The following KERA variants were observed in gnomAD, a reference collection of about 807,000 sequenced individuals.
The protein encoded by KERA is keratan sulfate proteoglycan keratocan.
Under a neutral mutation model 26.4 loss-of-function variants are expected in KERA, and 25 were observed. That is an observed-to-expected ratio of 0.95 (90% CI 0.69 to 1.32). KERA has a LOEUF of 1.32. Ranked by LOEUF, KERA falls within the 40% of genes most tolerant of loss-of-function variation. KERA has a pLI of 0.00. For missense variants in KERA, 434 were observed against 408.9 expected (o/e 1.06, Z -0.53); for synonymous variants, 167 against 146.1 (o/e 1.14, Z -1.03).
At chr12:91,052,919 A>G (rs1372961278) in intron 2 of KERA, among the ~76,000 whole-genome samples, 1 of 151,516 alleles carries the variant, frequency 6.6e-6, no homozygotes, top group Non-Finnish European at 1.5e-5. Context: ...TTACATTTTC[A>G]TAAATTACAG....
At chr12:91,056,647 C>A (rs1374138316) in intron 1 of KERA, among the ~76,000 whole-genome samples, 1 of 151,152 alleles carries the variant, frequency 6.6e-6, no homozygotes, top group Non-Finnish European at 1.5e-5. Flanking sequence ...AAAAAGTGAT[C>A]TTTTAAAAAC....
intron 2 of KERA, among the ~76,000 whole-genome samples, chr12:91,054,494 C>T (rs961213915): frequency 6.6e-6 from 1 of 151,188 alleles, no homozygotes; most frequent in African/African-American, 2.4e-5. Flanking sequence ...TGTGGCTGGA[C>T]CTATTTTTAC....
intron 2 of KERA, among the ~76,000 whole-genome samples, chr12:91,054,905 G>T (rs1480817270): frequency 6.6e-6 from 1 of 151,170 alleles, no homozygotes; most frequent in Non-Finnish European, 1.5e-5. Flanking sequence ...ACTTGTTTGA[G>T]ACTCCCACTG....
rs1333566238 is a variant in KERA at position 91,051,207 on chromosome 12, G to GA, written c.*138dup. 5 of 734,856 alleles carry GA rather than the reference G, an allele frequency of 6.8e-6. No individual in the cohort carries two copies. Among genetic ancestry groups the GA allele is most frequent in the Non-Finnish European group, 9.4e-6 (4 of 426,110 alleles). The allele number at this position is 734,856 out of a possible 1,614,324, so 45.5% of individuals were successfully genotyped here. The stretch of plus-strand genomic sequence containing the variant: ...TAACTGGCAAAAGCATCTTTGAATA[G>GA]AAAAAATACACTGCACAAATGAAAA... On this transcript the variant is annotated 3_prime_UTR_variant, in exon 3 of 3. Transcript: ENST00000266719.
At position 91,050,905 on chromosome 12, in the gene KERA, A is replaced by G. The variant is rs1301961481; in HGVS notation, c.*441T>C. The stretch of plus-strand genomic sequence containing the variant: ...AATCTGCAATTGTTTTATTATGATT[A>G]CAATTAAGAAATATTTTATTTTCTC... On this transcript the variant is annotated 3_prime_UTR_variant, in exon 3 of 3. Transcript: ENST00000266719. 3 of 167,398 alleles carry G rather than the reference A, an allele frequency of 1.8e-5. No individual in the cohort carries two copies. Among genetic ancestry groups the G allele is most frequent in the Non-Finnish European group, 3.9e-5 (3 of 76,072 alleles). 10.4% of individuals were successfully genotyped at this position (167,398 alleles called of 1,614,324 possible).
At chr12:91,052,816 G>A (rs1450217154) in intron 2 of KERA, among the ~76,000 whole-genome samples, 2 of 151,256 alleles carry the variant, frequency 1.3e-5, no homozygotes, top group Non-Finnish European at 3.0e-5. Context: ...TGTCCCTTTC[G>A]ATGTGCAATC....
chr12:91,051,300 T>G lies in KERA; in HGVS notation c.*46A>C. ...CTATTAATGGTAACCACATTTCATG[T>G]CAGAAACAGCTCATTAAACTAATTT... On this transcript the variant is annotated 3_prime_UTR_variant, in exon 3 of 3. Transcript: ENST00000266719. 6.7e-7 allele frequency: 1 copy of G among 1,501,318 alleles called. No homozygotes were observed. The highest frequency in any genetic ancestry group is 1.1e-5 in the South Asian group (1 of 88,352). The allele number at this position is 1,501,318 out of a possible 1,614,324, so 93.0% of individuals were successfully genotyped here. A position where few individuals can be genotyped will look rare whatever the true frequency, so the allele number is the denominator to read the frequency against.
intron 1 of KERA, 93 bp from the exon 2 acceptor site, chr12:91,056,382 C>T: frequency 9.9e-7 from 1 of 1,008,608 alleles, no homozygotes; most frequent in Non-Finnish European, 1.5e-6. Flanking sequence ...ATTGCTTCTT[C>T]AGGGAAGAGG....
chr12:91,051,162 A>G lies in KERA; in HGVS notation c.*184T>C. The G allele has an allele frequency of 1.7e-6, 1 of 578,474 alleles. No homozygotes were observed. The highest frequency in any genetic ancestry group is 3.1e-6 in the Non-Finnish European group (1 of 321,518). The allele number at this position is 578,474 out of a possible 1,614,324, so 35.8% of individuals were successfully genotyped here. On this transcript the variant is annotated 3_prime_UTR_variant, in exon 3 of 3. Transcript: ENST00000266719. The stretch of plus-strand genomic sequence containing the variant: ...TTATTAATTAAAAGAAAAGCAAATT[A>G]ATGCAGGCTGTGATGCATGTAACTG...
chr12:91,051,285 T>C lies in KERA; in HGVS notation c.*61A>G. The C allele has an allele frequency of 7.3e-7, 1 of 1,376,772 alleles. No homozygotes were observed. Among genetic ancestry groups the C allele is most frequent in the South Asian group, 1.2e-5 (1 of 85,218 alleles). 85.3% of individuals were successfully genotyped at this position (1,376,772 alleles called of 1,614,324 possible). A position where few individuals can be genotyped will look rare whatever the true frequency, so the allele number is the denominator to read the frequency against. On this transcript the variant is annotated 3_prime_UTR_variant, in exon 3 of 3. Coordinates refer to ENST00000266719, the MANE Select transcript of KERA (RefSeq NM_007035.4). The stretch of plus-strand genomic sequence containing the variant: ...ACTTGTGTCCTAAACCTATTAATGG[T>C]AACCACATTTCATGTCAGAAACAGC...
chr12:91,051,084 A>T lies in KERA; in HGVS notation c.*262T>A. The T allele has an allele frequency of 2.4e-6, 1 of 422,412 alleles. No homozygotes were observed. Among genetic ancestry groups the T allele is most frequent in the East Asian group, 4.7e-5 (1 of 21,410 alleles). 26.2% of individuals were successfully genotyped at this position (422,412 alleles called of 1,614,324 possible). ...TTAGTGTTAATAAGCTATGGAAGAG[A>T]CCAAAATAAAACTATCTTTGAGTTG... On this transcript the variant is annotated 3_prime_UTR_variant, in exon 3 of 3. Coordinates refer to ENST00000266719, the MANE Select transcript of KERA (RefSeq NM_007035.4).
At position 91,050,951 on chromosome 12, in the gene KERA, C is replaced by T. The variant is rs1878849537; in HGVS notation, c.*395G>A. 2 of 169,352 alleles carry T rather than the reference C, an allele frequency of 1.2e-5. No homozygotes were observed. The highest frequency in any genetic ancestry group is 2.6e-5 in the Non-Finnish European group (2 of 77,438). 10.5% of individuals were successfully genotyped at this position (169,352 alleles called of 1,614,324 possible). A position where few individuals can be genotyped will look rare whatever the true frequency, so the allele number is the denominator to read the frequency against. On this transcript the variant is annotated 3_prime_UTR_variant, in exon 3 of 3. Coordinates refer to ENST00000266719, the MANE Select transcript of KERA (RefSeq NM_007035.4). ...TTCTCATTTTCTTCAGGTCGTTATCCTCCTGTTTGATTATTACATTTATAC... is the reference window on the plus strand; with the variant it reads ...TTCTCATTTTCTTCAGGTCGTTATCTTCCTGTTTGATTATTACATTTATAC...
chr12:91,055,631 C>G lies in KERA; in HGVS notation c.651G>C (p.Gln217His). 6.2e-7 allele frequency: 1 copy of G among 1,611,186 alleles called. No individual in the cohort carries two copies. Among genetic ancestry groups the G allele is most frequent in the Non-Finnish European group, 8.5e-7 (1 of 1,178,122 alleles). Residue 217 changes from glutamine (Q) to histidine (H), a missense_variant, in exon 2 of 3, where the codon CAG (glutamine) becomes CAC (histidine). Physicochemically the swap from Gln to His is conservative, Grantham distance 24. Coordinates refer to ENST00000266719, the MANE Select transcript of KERA (RefSeq NM_007035.4). The part of the protein sequence containing the change: ...MPPRLPANTM[Q>H]LFLDNNSIEG... ...CAATGGAATTGTTGTCTAAAAACAACTGCATTGTATTGGCTGGTAATCTTG... is the reference window on the plus strand; with the variant it reads ...CAATGGAATTGTTGTCTAAAAACAAGTGCATTGTATTGGCTGGTAATCTTG...
rs201524750 is a variant in KERA at position 91,056,196 on chromosome 12, A to G, written c.86T>C (p.Val29Ala). 26 of 1,609,856 alleles carry G rather than the reference A, an allele frequency of 1.6e-5. No homozygotes were observed. In the East Asian group the frequency reaches 5.8e-4, roughly 36 times the overall value. The change falls in exon 2 of 3, where the codon GTA (valine) becomes GCA (alanine). Residue 29 changes from valine to alanine, a missense_variant. Val to Ala is a moderately conservative substitution (Grantham distance 64, BLOSUM62 0). Coordinates refer to ENST00000266719, the MANE Select transcript of KERA (RefSeq NM_007035.4). The part of the protein sequence containing the change: ...WSRSVRQVYE[V>A]HDSDDWTIHD... ...AATAGTCCAATCATCTGAATCATGT[A>G]CTTCATAGACCTGCCTCACACTTCT...
Position 91,056,169 on chromosome 12 carries a change from T to G in KERA, c.113A>C (p.His38Pro). 2 of 1,610,452 alleles carry G rather than the reference T, an allele frequency of 1.2e-6. No individual in the cohort carries two copies. Among genetic ancestry groups the G allele is most frequent in the Non-Finnish European group, 1.7e-6 (2 of 1,177,798 alleles). The change falls in exon 2 of 3, where the codon CAT (histidine) becomes CCT (proline). Residue 38 changes from histidine to proline, a missense_variant. His to Pro is a moderately conservative substitution (Grantham distance 77). Coordinates refer to ENST00000266719, the MANE Select transcript of KERA (RefSeq NM_007035.4). ...ACATTCCATGGGACACTCGAAGTCA[T>G]GAATAGTCCAATCATCTGAATCATG... is the stretch of plus-strand genomic sequence containing the variant. The part of the protein sequence containing the change: ...EVHDSDDWTI[H>P]DFECPMECFC...
At position 91,056,293 on chromosome 12, in the gene KERA, C is replaced by G; in HGVS notation, c.-8-4G>C. ...ATTGTGCCTGCCATTATAGCACCTA[C>G]AGAAAAAGGAACACAACTGTTAGAT... On this transcript the variant is annotated splice_polypyrimidine_tract_variant and splice_region_variant and intron_variant, in intron 1 of 2. Coordinates refer to ENST00000266719, the MANE Select transcript of KERA (RefSeq NM_007035.4). 9 of 1,604,908 alleles carry G rather than the reference C, an allele frequency of 5.6e-6. No homozygotes were observed. The highest frequency in any genetic ancestry group is 7.7e-6 in the Non-Finnish European group (9 of 1,173,946).
chr12:91,052,058 C>T (rs552606674), intron 2 of KERA, among the ~76,000 whole-genome samples: 1 of 151,614 alleles, frequency 6.6e-6, no homozygotes, highest in African/African-American at 2.4e-5. Flanking sequence ...TTTAAAAGTA[C>T]AATTAACATA....
At chr12:91,051,595 C>T (rs568348168) in intron 2 of KERA, 77 bp from the exon 3 acceptor site, 2 of 1,046,934 alleles carry the variant, frequency 1.9e-6, no homozygotes, top group Admixed American at 3.5e-5. Flanking sequence ...AAAACTAATG[C>T]CATGGTCCTA....
chr12:91,055,469 G>A lies in KERA; in HGVS notation c.813C>T (p.His271=). The A allele has an allele frequency of 6.2e-7, 1 of 1,610,226 alleles. No homozygotes were observed. Among genetic ancestry groups the A allele is most frequent in the South Asian group, 1.1e-5 (1 of 90,914 alleles). The change falls in exon 2 of 3, where the codon CAC becomes CAT. Residue 271 remains histidine, a synonymous_variant. Coordinates refer to ENST00000266719, the MANE Select transcript of KERA (RefSeq NM_007035.4). ...VSSILDLQLS[H]NQLTKVPRIS... is the part of the protein sequence containing the mutation. ...TTCGGGGAACCTTTGTGAGTTGATT[G>A]TGCGACAGTTGAAGATCTAGAATTG...
Sources: allele counts gnomAD v4.1 joint callset (sites outside exome capture counted in the v4.1 genomes callset), GRCh38; gene constraint gnomAD v4.1.1; transcripts MANE v1.5; gene names NCBI Gene and HGNC (gene_info 2026-07-23, HGNC 2026-07-21).